The following BCL2L1 variants were observed in gnomAD, a reference collection of about 807,000 sequenced individuals.
BCL2L1 encodes the protein BCL2 like 1.
In BCL2L1, 1 loss-of-function variant was observed where a neutral mutation model predicts 18.7. The observed-to-expected ratio is 0.05, with a 90% CI of 0.02 to 0.25. The LOEUF is 0.25. BCL2L1 is among the 10% of genes least tolerant of loss of function. BCL2L1 has a pLI of 1.00. For synonymous variants in BCL2L1, 103 were observed against 122.7 expected (o/e 0.84, Z 1.06); for missense variants, 207 against 304.9 (o/e 0.68, Z 2.39).
chr20:31,704,681 C>T (rs1433773730), intron 2 of BCL2L1, among the ~76,000 whole-genome samples: 3 of 152,170 alleles, frequency 2.0e-5, no homozygotes. Flanking sequence ...CTCAAACCAC[C>T]TGTATTGTTT....
At chr20:31,709,825 A>G (rs2061424546) in intron 2 of BCL2L1, among the ~76,000 whole-genome samples, 1 of 136,802 alleles carries the variant, frequency 7.3e-6, no homozygotes, top group Non-Finnish European at 1.5e-5. Context: ...ACTGAGCAAG[A>G]GCAAGACTCC....
At chr20:31,720,504 A>C (rs1052103581) in intron 2 of BCL2L1, 2 of 983,502 alleles carry the variant, frequency 2.0e-6, no homozygotes, top group Non-Finnish European at 2.4e-6. Context: ...TTCACTGAAG[A>C]GCAAAACTTG....
chr20:31,674,646 G>A (rs952217402), intron 2 of BCL2L1, among the ~76,000 whole-genome samples: 1 of 152,142 alleles, frequency 6.6e-6, no homozygotes, highest in African/African-American at 2.4e-5. Flanking sequence ...AAGGTGGGCA[G>A]ACTGTTTGAG....
intron 2 of BCL2L1, among the ~76,000 whole-genome samples, chr20:31,715,496 C>G (rs6060870): frequency 6.6e-6 from 1 of 151,846 alleles, no homozygotes; most frequent in South Asian, 2.1e-4. Context: ...GAGTCCATTC[C>G]CTCTGCTTTA....
chr20:31,721,874 G>A lies in BCL2L1; in HGVS notation c.345C>T (p.Thr115=), dbSNP rs148962546. The A allele has an allele frequency of 5.6e-5, 91 of 1,614,204 alleles. No individual in the cohort carries two copies. In the African/African-American group the frequency reaches 1.1e-3, roughly 19 times the overall value. ...CAAAGCTCTGATATGCTGTCCCTGG[G>A]GTGATGTGGAGCTGGGATGTCAGGT... ...FSDLTSQLHI[T]PGTAYQSFEQ... The change falls in exon 2 of 3, where the codon ACC becomes ACT. Residue 115 remains threonine (T), a synonymous_variant. Transcript: ENST00000307677.
chr20:31,700,009 A>G lies in BCL2L1; in HGVS notation c.564+21646T>C, dbSNP rs141745923. On this transcript the variant is annotated intron_variant, in intron 2 of 2. Transcript: ENST00000307677. ...TGAGTAACTGAGTTGGCCCATGCAT[A>G]TAGTTGCTTCCTAGATATTCCATTA... Among the ~76,000 whole-genome samples, 22 of 152,302 alleles carry G rather than the reference A, an allele frequency of 1.4e-4. No homozygotes were observed. The East Asian group carries it at 4.2e-3, about 29-fold the overall frequency.
At chr20:31,672,070 G>A (rs1051838937) in intron 2 of BCL2L1, among the ~76,000 whole-genome samples, 3 of 150,844 alleles carry the variant, frequency 2.0e-5, no homozygotes, top group African/African-American at 7.3e-5. Context: ...AAAAAAAAAG[G>A]TTGAGAAACC....
At chr20:31,717,545 G>A (rs1405489618) in intron 2 of BCL2L1, among the ~76,000 whole-genome samples, 1 of 152,220 alleles carries the variant, frequency 6.6e-6, no homozygotes, top group Non-Finnish European at 1.5e-5. Context: ...GGTGTTTCAA[G>A]GGGGAGCCCC....
chr20:31,696,576 C>T (rs938525512), intron 2 of BCL2L1, among the ~76,000 whole-genome samples: 1 of 152,174 alleles, frequency 6.6e-6, no homozygotes, highest in Admixed American at 6.5e-5. Context: ...CAGTCATATG[C>T]CCATGCACTG....
chr20:31,695,367 G>A (rs140746326), intron 2 of BCL2L1, among the ~76,000 whole-genome samples: 433 of 152,358 alleles, frequency 2.8e-3, no homozygotes, highest in Admixed American at 7.8e-3. Context: ...CCCTGGTGAC[G>A]TCTCAGACCT....
At chr20:31,723,459 C>CG, upstream of BCL2L1, 2 of 985,388 alleles carry the variant, frequency 2.0e-6, no homozygotes, top group Non-Finnish European at 2.4e-6. Context: ...GCTCCGGGGC[C>CG]GGGGGCTGCA....
chr20:31,666,192 T>G lies in BCL2L1; in HGVS notation c.565-106A>C, dbSNP rs1242656049. On this transcript the variant is annotated intron_variant, in intron 2 of 2. Transcript: ENST00000307677. ...CTATGGCCTTGGTGATGTGAAAAACTGTAGCCATCTGTGCCCACTCTGGGC... is the reference window on the plus strand; with the variant it reads ...CTATGGCCTTGGTGATGTGAAAAACGGTAGCCATCTGTGCCCACTCTGGGC... 1.1e-5 allele frequency: 15 copies of G among 1,415,478 alleles called. No homozygotes were observed. In the Admixed American group the frequency reaches 1.4e-4, roughly 14 times the overall value. 87.7% of individuals were successfully genotyped at this position (1,415,478 alleles called of 1,614,324 possible).
Position 31,669,418 on chromosome 20 carries a change from C to T in BCL2L1, c.565-3332G>A, listed in dbSNP as rs566807537. 8.6e-5 allele frequency among the ~76,000 whole-genome samples: 13 copies of T among 150,458 alleles called. No homozygotes were observed. In the South Asian group the frequency reaches 1.9e-3, roughly 22 times the overall value. ...GTACTTCTCATAACTAGATTCTGTACTTTGTTTTTGTTGTGATGTGTCTTC... is the reference window on the plus strand; with the variant it reads ...GTACTTCTCATAACTAGATTCTGTATTTTGTTTTTGTTGTGATGTGTCTTC... On this transcript the variant is annotated intron_variant, in intron 2 of 2. Transcript: ENST00000307677.
At chr20:31,706,822 C>A (rs2061375157) in intron 2 of BCL2L1, among the ~76,000 whole-genome samples, 1 of 152,200 alleles carries the variant, frequency 6.6e-6, no homozygotes, top group Non-Finnish European at 1.5e-5. Context: ...TTTCATCTAT[C>A]ATCTCTTTGG....
intron 2 of BCL2L1, among the ~76,000 whole-genome samples, chr20:31,709,492 G>C (rs1441998400): frequency 6.6e-6 from 1 of 151,882 alleles, no homozygotes; most frequent in Non-Finnish European, 1.5e-5. Flanking sequence ...CTCCCAAGTA[G>C]CTGGGATTAC....
chr20:31,681,039 A>G lies in BCL2L1; in HGVS notation c.565-14953T>C, dbSNP rs113525416. Among the ~76,000 whole-genome samples the G allele has an allele frequency of 1.7e-3, 258 of 152,356 alleles. 3 individuals are homozygous for G. The highest frequency in any genetic ancestry group is 6.0e-3 in the African/African-American group (251 of 41,598). ...AACACGCTTGAGGTGCTCCAGGAACAGGAAAAATGCCAGTGTGGCTGAAGT... is the reference window on the plus strand; with the variant it reads ...AACACGCTTGAGGTGCTCCAGGAACGGGAAAAATGCCAGTGTGGCTGAAGT... On this transcript the variant is annotated intron_variant, in intron 2 of 2. Coordinates refer to ENST00000307677, the MANE Select transcript of BCL2L1 (RefSeq NM_138578.3).
chr20:31,685,662 GAGGAT>G (rs1348497062), intron 2 of BCL2L1, among the ~76,000 whole-genome samples: 1 of 152,178 alleles, frequency 6.6e-6, no homozygotes. Flanking sequence ...GAAAAGTGTG[GAGGAT>G]GGATCAGATG....
chr20:31,695,616 A>G (rs1241587046), intron 2 of BCL2L1, among the ~76,000 whole-genome samples: 8 of 152,238 alleles, frequency 5.3e-5, no homozygotes, highest in Non-Finnish European at 1.2e-4. Flanking sequence ...GACTACAGAC[A>G]TGCACCACTA....
chr20:31,721,403 T>C (rs371869734), intron 2 of BCL2L1: 14 of 488,968 alleles, frequency 2.9e-5, no homozygotes, highest in Admixed American at 1.1e-4. Context: ...GCTGAGAAAC[T>C]GGAACACAAG....
Sources: allele counts gnomAD v4.1 joint callset (sites outside exome capture counted in the v4.1 genomes callset), GRCh38; gene constraint gnomAD v4.1.1; transcripts MANE v1.5; gene names NCBI Gene and HGNC (gene_info 2026-07-23, HGNC 2026-07-21).